The following EPHA5 variants were observed in gnomAD, a reference collection of about 807,000 sequenced individuals.
EPHA5 encodes ephrin type-A receptor 5.
EPHA5 carries 60 observed loss-of-function variants against 105.0 expected under a neutral mutation model. That is an observed-to-expected ratio of 0.57 (90% CI 0.46 to 0.71). EPHA5 has a LOEUF of 0.71. Ranked by LOEUF, EPHA5 falls within the 30% of genes least tolerant of loss-of-function variation. The pLI is 0.00. For missense variants in EPHA5, 1,218 were observed against 1,274.7 expected (o/e 0.96, Z 0.68); for synonymous variants, 513 against 449.1 (o/e 1.14, Z -1.80).
At chr4:65,498,484 G>A (rs1461333203) in intron 3 of EPHA5, among the ~76,000 whole-genome samples, 1 of 151,824 alleles carries the variant, frequency 6.6e-6, no homozygotes, top group Non-Finnish European at 1.5e-5. Flanking sequence ...CAAGATCAGA[G>A]GCAAATAGCT....
At chr4:65,447,086 A>T (rs1440606372) in intron 5 of EPHA5, among the ~76,000 whole-genome samples, 1 of 150,666 alleles carries the variant, frequency 6.6e-6, no homozygotes, top group East Asian at 2.0e-4. Flanking sequence ...TCCTGGGCTC[A>T]AGCAATCCTC....
chr4:65,612,041 G>GAAAGAAAAGAAAAGA (rs35758516), intron 2 of EPHA5, among the ~76,000 whole-genome samples: 14 of 119,606 alleles, frequency 1.2e-4, no homozygotes, highest in African/African-American at 3.7e-4. Context: ...AAAAAAAAAG[G>GAAAGAAAAGAAAAGA]AAAGAAAAGA....
Position 65,508,952 on chromosome 4 carries a change from A to G in EPHA5, c.911-13409T>C, listed in dbSNP as rs10015821. ...CAGTTGCTTTAAACTACTTTTCTTC[A>G]AACTGTATGCTGAGAATTAAAATGA... On this transcript the variant is annotated intron_variant, in intron 3 of 16. Transcript: ENST00000613740. Among the ~76,000 whole-genome samples the G allele has an allele frequency of 5.6e-3, 854 of 152,278 alleles. 7 individuals carry two copies. The highest frequency in any genetic ancestry group is 0.02 in the African/African-American group (817 of 41,580).
rs566266636 is a variant in EPHA5, at chr4:65,332,738, T to C, written c.2790-610A>G. ...CTAAAAATCAGTCTACTAAAATTTG[T>C]CATGTAGTGATTTAGATATACTACT... On this transcript the variant is annotated intron_variant, in intron 15 of 16. Transcript: ENST00000613740. Among the ~76,000 whole-genome samples, 123 of 151,922 alleles carry C rather than the reference T, an allele frequency of 8.1e-4. 1 individual carries two copies. The highest frequency in any genetic ancestry group is 2.7e-3 in the African/African-American group (113 of 41,500).
chr4:65,426,777 C>T (rs1724479776), intron 5 of EPHA5, among the ~76,000 whole-genome samples: 1 of 152,142 alleles, frequency 6.6e-6, no homozygotes, highest in African/African-American at 2.4e-5. Context: ...TGGCTCTCAC[C>T]ACCTGTCATC....
chr4:65,398,090 A>G (rs559897436), intron 8 of EPHA5, among the ~76,000 whole-genome samples: 12 of 152,278 alleles, frequency 7.9e-5, no homozygotes, highest in Non-Finnish European at 1.6e-4. Flanking sequence ...GCAGACACCC[A>G]GCCACAGCTG....
In EPHA5 at chr4:65,365,021, G is replaced by T. The variant is rs2148887708; in HGVS notation, c.2169C>A (p.Thr723=). The change falls in exon 11 of 17, where the codon ACC becomes ACA. Residue 723 remains threonine, a synonymous_variant. Coordinates refer to ENST00000613740, the MANE Select transcript of EPHA5 (RefSeq NM_001281766.3). ...PNIIHLEGVV[T]KSKPVMIVTE... The stretch of plus-strand genomic sequence containing the variant: ...ATAATTTGCCATCATACTTACTTTT[G>T]GTCACCACACCTTCTAAATGGATGA... The T allele has an allele frequency of 6.2e-7, 1 of 1,609,560 alleles. No individual in the cohort carries two copies. The highest frequency in any genetic ancestry group is 1.1e-5 in the South Asian group (1 of 90,692).
chr4:65,465,555 GA>G, intron 5 of EPHA5, among the ~76,000 whole-genome samples: 1 of 127,118 alleles, frequency 7.9e-6, no homozygotes, highest in South Asian at 2.6e-4. Context: ...GGAAAGGAAG[GA>G]AAGGAAGGAA....
chr4:65,432,656 C>T lies in EPHA5; in HGVS notation c.1403-12091G>A, dbSNP rs192508454. Among the ~76,000 whole-genome samples the T allele has an allele frequency of 3.0e-3, 460 of 152,054 alleles. 1 individual carries two copies. Among genetic ancestry groups the T allele is most frequent in the Admixed American group, 0.011 (175 of 15,258 alleles). ...AATCTTGACTTACTGAAGCCTTGAACTCCTGGTTTCAAGAGATCTTCCCGC... is the reference window on the plus strand; with the variant it reads ...AATCTTGACTTACTGAAGCCTTGAATTCCTGGTTTCAAGAGATCTTCCCGC... On this transcript the variant is annotated intron_variant, in intron 5 of 16. Coordinates refer to ENST00000613740, the MANE Select transcript of EPHA5 (RefSeq NM_001281766.3).
Position 65,556,811 on chromosome 4 carries a change from C to T in EPHA5, c.910+44830G>A, listed in dbSNP as rs142638537. ...AAATTGCTCTATGATATGTTATGAT[C>T]CAGGAAAACAACTTGCTCCTTTTCA... On this transcript the variant is annotated intron_variant, in intron 3 of 16. Coordinates refer to ENST00000613740, the MANE Select transcript of EPHA5 (RefSeq NM_001281766.3). Among the ~76,000 whole-genome samples the T allele has an allele frequency of 1.4e-3, 220 of 152,040 alleles. 3 individuals carry two copies. Among genetic ancestry groups the T allele is most frequent in the African/African-American group, 4.9e-3 (205 of 41,478 alleles).
At chr4:65,540,525 TAGG>T (rs1560669880) in intron 3 of EPHA5, among the ~76,000 whole-genome samples, 1 of 151,450 alleles carries the variant, frequency 6.6e-6, no homozygotes, top group Non-Finnish European at 1.5e-5. Flanking sequence ...CAAAAAAGCA[TAGG>T]AGAACTATTT....
intron 10 of EPHA5, among the ~76,000 whole-genome samples, chr4:65,365,661 A>ATG (rs1717814764): frequency 2.4e-5 from 2 of 83,678 alleles, no homozygotes; most frequent in Non-Finnish European, 5.4e-5. Context: ...ATATATATAT[A>ATG]TATATATATA....
intron 3 of EPHA5, among the ~76,000 whole-genome samples, chr4:65,564,216 C>T (rs1356266000): frequency 6.6e-6 from 1 of 151,880 alleles, no homozygotes; most frequent in East Asian, 1.9e-4. Flanking sequence ...AGGAATACCA[C>T]ATAGACACCA....
At chr4:65,507,693 C>T (rs550568328) in intron 3 of EPHA5, among the ~76,000 whole-genome samples, 1 of 152,182 alleles carries the variant, frequency 6.6e-6, no homozygotes, top group Non-Finnish European at 1.5e-5. Context: ...TATAAGAATG[C>T]TTGTGATTTA....
intron 2 of EPHA5, among the ~76,000 whole-genome samples, chr4:65,623,169 A>G (rs575887288): frequency 2.0e-4 from 30 of 152,198 alleles, no homozygotes; most frequent in Admixed American, 4.6e-4. Flanking sequence ...ATGGGTTAGT[A>G]CACTATAAAT....
At chr4:65,533,196 T>G (rs1735983184) in intron 3 of EPHA5, among the ~76,000 whole-genome samples, 1 of 152,138 alleles carries the variant, frequency 6.6e-6, no homozygotes, top group Admixed American at 6.6e-5. Context: ...GTGTACTCCT[T>G]CTCCTTGGTA....
intron 3 of EPHA5, among the ~76,000 whole-genome samples, chr4:65,588,095 AAATT>A (rs1440697972): frequency 2.6e-5 from 4 of 152,174 alleles, no homozygotes; most frequent in African/African-American, 9.7e-5. Flanking sequence ...GATCTTAGTA[AAATT>A]AACCTTCTGA....
Position 65,331,973 on chromosome 4 carries a change from T to A in EPHA5, c.2945A>T (p.Glu982Val). ...SMDAVAQVTL[E>V]DLRRLGVTLV... is the part of the protein sequence containing the mutation. ...AAAAATTATCAGAAAAATTACTCAC[T>A]CCAAGGTCACCTGAGCCACAGCGTC... Residue 982 changes from glutamate to valine, a missense_variant and splice_region_variant, in exon 16 of 17, where the codon GAG (glutamate) becomes GTG (valine). Physicochemically the swap from Glu to Val is moderately radical, Grantham distance 121 (BLOSUM62 -2). Transcript: ENST00000613740. 3.8e-6 allele frequency: 6 copies of A among 1,595,696 alleles called. No individual in the cohort carries two copies. The highest frequency in any genetic ancestry group is 5.1e-6 in the Non-Finnish European group (6 of 1,173,762).
At chr4:65,335,081 C>G (rs1286336283) in intron 15 of EPHA5, among the ~76,000 whole-genome samples, 1 of 151,858 alleles carries the variant, frequency 6.6e-6, no homozygotes, top group Non-Finnish European at 1.5e-5. Context: ...AATCATAGAA[C>G]TTTCATAACT....
Sources: allele counts gnomAD v4.1 joint callset (sites outside exome capture counted in the v4.1 genomes callset), GRCh38; gene constraint gnomAD v4.1.1; transcripts MANE v1.5; gene names NCBI Gene and HGNC (gene_info 2026-07-23, HGNC 2026-07-21).